Variants in ANTXR1 observed in about 807,000 individuals in gnomAD.
ANTXR1 encodes the protein ANTXR cell adhesion molecule 1, also known as anthrax toxin receptor 1.
A neutral mutation model predicts 78.1 loss-of-function variants in ANTXR1; 19 were observed. The ratio of observed to expected loss-of-function variants is 0.24; its 90% CI spans 0.17 to 0.36. The LOEUF (loss-of-function observed/expected upper bound fraction) is 0.36. Ranked by LOEUF, ANTXR1 falls within the 10% of genes least tolerant of loss-of-function variation. ANTXR1 has a pLI of 1.00. For missense variants in ANTXR1, 518 were observed against 718.6 expected (o/e 0.72, Z 3.19); for synonymous variants, 273 against 260.5 (o/e 1.05, Z -0.46).
At chr2:69,090,687 A>G (rs1671203153) in intron 8 of ANTXR1, 172 bp from the exon 9 acceptor site, 1 of 657,738 alleles carries the variant, frequency 1.5e-6, no homozygotes, top group Non-Finnish European at 2.8e-6. Flanking sequence ...AATCTGGCTT[A>G]ATAAATGTTT....
chr2:69,205,376 C>A (rs1674870891), intron 17 of ANTXR1, among the ~76,000 whole-genome samples: 1 of 152,136 alleles, frequency 6.6e-6, no homozygotes, highest in Non-Finnish European at 1.5e-5. Context: ...CCCCCACCTG[C>A]AAGCTCCACC....
intron 1 of ANTXR1, among the ~76,000 whole-genome samples, chr2:69,039,577 T>C (rs1669552494): frequency 6.6e-6 from 1 of 152,240 alleles, no homozygotes; most frequent in South Asian, 2.1e-4. Flanking sequence ...TAATATGATT[T>C]ACAGATTTTG....
At chr2:69,139,524 A>T (rs747081270) in intron 12 of ANTXR1, among the ~76,000 whole-genome samples, 1 of 152,190 alleles carries the variant, frequency 6.6e-6, no homozygotes, top group Non-Finnish European at 1.5e-5. Context: ...TGGTTTATTG[A>T]CACCCTATTA....
intron 8 of ANTXR1, among the ~76,000 whole-genome samples, chr2:69,081,468 A>G (rs1191300567): frequency 6.6e-6 from 1 of 152,198 alleles, no homozygotes; most frequent in Non-Finnish European, 1.5e-5. Context: ...TTTTTTCAAA[A>G]TGTTCCCACT....
intron 14 of ANTXR1, chr2:69,172,522 G>C: frequency 7.0e-7 from 1 of 1,427,278 alleles, no homozygotes; most frequent in Non-Finnish European, 9.1e-7. Context: ...TCAAATCCCA[G>C]TGTCTAACAT....
intron 16 of ANTXR1, among the ~76,000 whole-genome samples, chr2:69,189,993 G>A (rs1472377684): frequency 6.6e-6 from 1 of 152,148 alleles, no homozygotes; most frequent in Non-Finnish European, 1.5e-5. Flanking sequence ...TTGAGTTGCC[G>A]GCAGATAGGT....
intron 13 of ANTXR1, among the ~76,000 whole-genome samples, chr2:69,167,636 G>A (rs1673865062): frequency 6.6e-6 from 1 of 152,196 alleles, no homozygotes; most frequent in African/African-American, 2.4e-5. Flanking sequence ...TGCTCCCCAG[G>A]GGCAAGCTTT....
At chr2:69,138,889 A>G (rs1207979712) in intron 12 of ANTXR1, among the ~76,000 whole-genome samples, 1 of 152,252 alleles carries the variant, frequency 6.6e-6, no homozygotes, top group East Asian at 1.9e-4. Flanking sequence ...TTTTACCTGC[A>G]TTGCCCAAAT....
chr2:69,019,561 C>T (rs1243476961), intron 1 of ANTXR1, among the ~76,000 whole-genome samples: 6 of 151,686 alleles, frequency 4.0e-5, no homozygotes, highest in African/African-American at 1.5e-4. Flanking sequence ...TTCAGGGGTA[C>T]ATACAAACCT....
intron 3 of ANTXR1, among the ~76,000 whole-genome samples, chr2:69,048,869 G>A (rs1669851131): frequency 1.3e-5 from 2 of 152,034 alleles, no homozygotes; most frequent in South Asian, 2.1e-4. Context: ...ATTTTCACTC[G>A]AACTGTGTGA....
At chr2:69,158,686 T>C (rs72827667) in intron 13 of ANTXR1, among the ~76,000 whole-genome samples, 12,368 of 152,336 alleles carry the variant, frequency 0.081, 728 homozygotes, top group East Asian at 0.2. Context: ...AGATAGTCAA[T>C]ACTTGATTAT....
At chr2:69,077,370 A>T in intron 7 of ANTXR1, 38 bp from the exon 8 acceptor site, 1 of 1,611,840 alleles carries the variant, frequency 6.2e-7, no homozygotes, top group Non-Finnish European at 8.5e-7. Context: ...CAAGCCTAAC[A>T]GTCTCCCCAT....
At chr2:69,185,476 G>T (rs1674394225) in intron 16 of ANTXR1, among the ~76,000 whole-genome samples, 1 of 151,714 alleles carries the variant, frequency 6.6e-6, no homozygotes, top group East Asian at 1.9e-4. Context: ...GGAGGCAGAG[G>T]TTGCAGTGAG....
intron 9 of ANTXR1, among the ~76,000 whole-genome samples, chr2:69,100,315 A>G (rs1671565798): frequency 6.6e-6 from 1 of 152,206 alleles, no homozygotes; most frequent in East Asian, 1.9e-4. Flanking sequence ...TGGTAACCAA[A>G]TGTGTGCACT....
chr2:69,144,587 CT>C (rs1241973564), intron 12 of ANTXR1, among the ~76,000 whole-genome samples: 2 of 152,216 alleles, frequency 1.3e-5, no homozygotes, highest in Non-Finnish European at 2.9e-5. Context: ...AGAGAAAGAC[CT>C]TTGCCAGCTC....
chr2:69,226,564 G>A (rs1675460519), intron 17 of ANTXR1, among the ~76,000 whole-genome samples: 1 of 152,106 alleles, frequency 6.6e-6, no homozygotes, highest in Non-Finnish European at 1.5e-5. Flanking sequence ...GTGAGAGGAG[G>A]CTGAGAAGAA....
intron 3 of ANTXR1, among the ~76,000 whole-genome samples, chr2:69,069,005 C>T (rs531012072): frequency 4.6e-5 from 7 of 152,236 alleles, no homozygotes; most frequent in South Asian, 2.1e-4. Flanking sequence ...GTCTGATACA[C>T]GGGTATTGAA....
intron 17 of ANTXR1, among the ~76,000 whole-genome samples, chr2:69,215,088 C>T (rs1675143558): frequency 6.6e-6 from 1 of 152,216 alleles, no homozygotes; most frequent in Non-Finnish European, 1.5e-5. Flanking sequence ...TGCAGCCCCT[C>T]CATCCTGCTG....
chr2:69,044,841 A>G (rs942908649), intron 3 of ANTXR1, 28 bp downstream of exon 3: 9 of 1,609,368 alleles, frequency 5.6e-6, no homozygotes, highest in Non-Finnish European at 2.6e-6. Context: ...CTCTGTTGTT[A>G]AAAAGTCCAT....
Sources: gnomAD v4.1 joint callset for allele counts (sites outside exome capture counted in the v4.1 genomes callset) on GRCh38, gnomAD v4.1.1 for gene constraint, MANE v1.5 for transcripts, NCBI Gene and HGNC (gene_info 2026-07-23, HGNC 2026-07-21) for gene names.